Variants in ACOXL observed in about 807,000 individuals in gnomAD.
ACOXL encodes acyl-coenzyme A oxidase-like protein.
ACOXL carries 70 observed loss-of-function variants against 71.9 expected under a neutral mutation model. That is an observed-to-expected ratio of 0.97 (90% CI 0.80 to 1.19). The LOEUF is 1.19. Ranked by LOEUF, ACOXL falls within the 50% of genes most tolerant of loss-of-function variation. The probability of loss-of-function intolerance (pLI) is 0.00; values close to 1 mark genes in which losing one functional copy is unlikely to be tolerated. For missense variants in ACOXL, 703 were observed against 736.3 expected, an observed-to-expected ratio of 0.95 and a Z score of 0.52; for synonymous variants, 253 against 281.6, an observed-to-expected ratio of 0.90 and a Z score of 1.02.
chr2:111,013,975 G>A (rs565637463), intron 14 of ACOXL, among the ~76,000 whole-genome samples: 1 of 152,316 alleles, frequency 6.6e-6, no homozygotes, highest in South Asian at 2.1e-4. Context: ...ACTAACAAAG[G>A]AGAGAGCATA....
chr2:110,958,494 C>A (rs1424294423), intron 12 of ACOXL, among the ~76,000 whole-genome samples: 4 of 152,216 alleles, frequency 2.6e-5, no homozygotes, highest in Admixed American at 1.3e-4. Context: ...ACTGATCCCC[C>A]AGGCTTCCAT....
chr2:111,104,840 C>A (rs1374625200), intron 17 of ACOXL, among the ~76,000 whole-genome samples: 1 of 152,064 alleles, frequency 6.6e-6, no homozygotes, highest in Non-Finnish European at 1.5e-5. Flanking sequence ...TCTAATTTAT[C>A]CATTTTTCCT....
In ACOXL at chr2:110,974,911, C is replaced by T. The variant is rs190129881; in HGVS notation, c.1060-12197C>T. Reference sequence around the variant, plus strand: ...GAACGAAACCCCTTTTGTACTTTTTCCTTGCTTAAAACACTAGACTCAGCC... The same window carrying T: ...GAACGAAACCCCTTTTGTACTTTTTTCTTGCTTAAAACACTAGACTCAGCC... On this transcript the variant is annotated intron_variant, in intron 12 of 17. Coordinates refer to ENST00000439055, the MANE Select transcript of ACOXL (RefSeq NM_001142807.4). Among the ~76,000 whole-genome samples the T allele has an allele frequency of 6.6e-5, 10 of 152,294 alleles. No individual in the cohort carries two copies. The East Asian group carries it at 1.9e-3, about 29-fold the overall frequency.
intron 1 of ACOXL, among the ~76,000 whole-genome samples, chr2:110,753,887 C>T (rs1298950945): frequency 6.6e-6 from 1 of 151,932 alleles, no homozygotes; most frequent in Non-Finnish European, 1.5e-5. Context: ...TTTGTGTTGT[C>T]ATTATTTTAA....
intron 14 of ACOXL, among the ~76,000 whole-genome samples, chr2:111,017,309 C>T (rs944256025): frequency 7.2e-5 from 11 of 152,194 alleles, no homozygotes; most frequent in Admixed American, 1.3e-4. Flanking sequence ...CCTGCCATAG[C>T]GAGGAACTGT....
chr2:111,005,048 C>T (rs2063808088), intron 14 of ACOXL, among the ~76,000 whole-genome samples: 1 of 152,106 alleles, frequency 6.6e-6, no homozygotes, highest in Non-Finnish European at 1.5e-5. Context: ...TTCAAATGTA[C>T]CTAACAGAAA....
intron 17 of ACOXL, among the ~76,000 whole-genome samples, chr2:111,102,676 C>T (rs1454336111): frequency 6.6e-6 from 1 of 151,994 alleles, no homozygotes; most frequent in East Asian, 1.9e-4. Flanking sequence ...GGAGATGAGA[C>T]TCATCTGAGT....
intron 14 of ACOXL, among the ~76,000 whole-genome samples, chr2:111,019,714 C>T (rs937463325): frequency 6.6e-6 from 1 of 152,176 alleles, no homozygotes; most frequent in Non-Finnish European, 1.5e-5. Flanking sequence ...GACTCCAGAC[C>T]AGAGCTTGGA....
chr2:110,948,924 T>C (rs2061223472), intron 12 of ACOXL, among the ~76,000 whole-genome samples: 1 of 151,726 alleles, frequency 6.6e-6, no homozygotes, highest in Non-Finnish European at 1.5e-5. Context: ...ACATAGATGG[T>C]GTTTGTTTAA....
chr2:111,102,660 C>A (rs1365642703), intron 17 of ACOXL, among the ~76,000 whole-genome samples: 12 of 152,010 alleles, frequency 7.9e-5, no homozygotes. Context: ...AAAAAAAGAC[C>A]TCTCAGGAGA....
intron 10 of ACOXL, among the ~76,000 whole-genome samples, chr2:110,890,740 G>C (rs1697834640): frequency 6.6e-6 from 1 of 152,208 alleles, no homozygotes; most frequent in South Asian, 2.1e-4. Flanking sequence ...CAATTGAGAA[G>C]TGTGAGTCTT....
intron 10 of ACOXL, chr2:110,886,910 CACTTA>C: frequency 6.6e-7 from 1 of 1,526,274 alleles, no homozygotes; most frequent in Non-Finnish European, 8.8e-7. Flanking sequence ...TGAAATCAGC[CACTTA>C]ACTGTTCTGG....
chr2:110,963,483 T>G, intron 12 of ACOXL: 1 of 1,278,448 alleles, frequency 7.8e-7, no homozygotes, highest in Admixed American at 3.4e-5. Flanking sequence ...ATATGATTGT[T>G]TACCTCTTTT....
chr2:110,749,810 A>G (rs937320588), intron 1 of ACOXL, among the ~76,000 whole-genome samples: 1 of 152,190 alleles, frequency 6.6e-6, no homozygotes, highest in Non-Finnish European at 1.5e-5. Context: ...TTTCTGCTCC[A>G]GGGTCCTATC....
intron 3 of ACOXL, among the ~76,000 whole-genome samples, chr2:110,787,454 G>A (rs929284505): frequency 1.1e-4 from 17 of 148,838 alleles, no homozygotes; most frequent in African/African-American, 3.7e-4. Flanking sequence ...GAATGGCGTG[G>A]ACCCGGGAGG....
intron 15 of ACOXL, among the ~76,000 whole-genome samples, chr2:111,047,801 T>G (rs972825015): frequency 6.6e-6 from 1 of 152,212 alleles, no homozygotes. Context: ...GTATATGCAT[T>G]GGAGAGCATG....
intron 14 of ACOXL, among the ~76,000 whole-genome samples, chr2:111,012,321 TTAG>T (rs1456940421): frequency 5.3e-5 from 8 of 152,214 alleles, no homozygotes; most frequent in African/African-American, 1.7e-4. Flanking sequence ...TATTGCACAC[TTAG>T]TAGAATATAG....
chr2:111,002,813 C>A (rs1389099506), intron 14 of ACOXL, among the ~76,000 whole-genome samples: 1 of 152,056 alleles, frequency 6.6e-6, no homozygotes, highest in Non-Finnish European at 1.5e-5. Flanking sequence ...GTTTCCAATG[C>A]AGATTTTTTC....
intron 1 of ACOXL, among the ~76,000 whole-genome samples, chr2:110,756,325 C>T (rs181499657): frequency 1.3e-5 from 2 of 152,194 alleles, no homozygotes; most frequent in East Asian, 1.9e-4. Flanking sequence ...GACGGGGTTT[C>T]GTCATGTTGG....
Sources: allele counts gnomAD v4.1 joint callset (sites outside exome capture counted in the v4.1 genomes callset), GRCh38; gene constraint gnomAD v4.1.1; transcripts MANE v1.5; gene names NCBI Gene and HGNC (gene_info 2026-07-23, HGNC 2026-07-21).